The following SPECC1 variants were observed in gnomAD, a reference collection of about 807,000 sequenced individuals.
SPECC1 encodes the protein cytospin-B.
In SPECC1, 62 loss-of-function variants were observed where a neutral mutation model predicts 104.1. That is an observed-to-expected ratio of 0.60 (90% CI 0.49 to 0.74). The LOEUF is 0.74. SPECC1 is among the 30% of genes least tolerant of loss of function. The pLI is 0.00. For missense variants in SPECC1, 1,306 were observed against 1,310.5 expected, an observed-to-expected ratio of 1.00 and a Z score of 0.05; for synonymous variants, 513 against 501.6, an observed-to-expected ratio of 1.02 and a Z score of -0.30.
chr17:20,252,708 T>G (rs2039676393), intron 9 of SPECC1, among the ~76,000 whole-genome samples: 1 of 152,244 alleles, frequency 6.6e-6, no homozygotes, highest in Admixed American at 6.5e-5. Context: ...CCTTCTTTTT[T>G]AAGGCTGAAT....
At chr17:20,104,597 G>A (rs549245364) in intron 2 of SPECC1, among the ~76,000 whole-genome samples, 3 of 151,998 alleles carry the variant, frequency 2.0e-5, no homozygotes, top group Admixed American at 2.0e-4. Context: ...ACAAAAATTA[G>A]CTGGGTGTGG....
chr17:20,205,294 G>T lies in SPECC1; in HGVS notation c.1245G>T (p.Leu415=), dbSNP rs755901399. ...VQELTAENEK[L]VDEKTILETS... ...AATTGACAGCTGAAAATGAGAAGCT[G>T]GTGGATGAAAAGACGATTTTAGAGA... is the stretch of plus-strand genomic sequence containing the variant. Residue 415 remains leucine, a synonymous_variant, in exon 4 of 15, where the codon CTG becomes CTT. Transcript: ENST00000395527. The T allele has an allele frequency of 2.5e-6, 4 of 1,614,216 alleles. No individual in the cohort carries two copies. The East Asian group carries it at 8.9e-5, about 36-fold the overall frequency.
Position 20,132,628 on chromosome 17 carries a change from C to A in SPECC1, c.283+22066C>A, listed in dbSNP as rs188575121. 7.5e-3 allele frequency among the ~76,000 whole-genome samples: 1,142 copies of A among 151,308 alleles called. 16 individuals are homozygous for A. The highest frequency in any genetic ancestry group is 0.026 in the African/African-American group (1,086 of 41,256). On this transcript the variant is annotated intron_variant, in intron 3 of 14. Coordinates refer to ENST00000395527, the MANE Select transcript of SPECC1 (RefSeq NM_001243439.2). ...AATTTCCCTAATTGTTATAGGGCTA[C>A]TCATATTACCTGCTTAATATTGAGT...
chr17:20,225,410 G>GGTA (rs2038139512), intron 4 of SPECC1, among the ~76,000 whole-genome samples: 1 of 152,212 alleles, frequency 6.6e-6, no homozygotes, highest in African/African-American at 2.4e-5. Flanking sequence ...AGCCCACAGA[G>GGTA]GTAGGGCTTG....
intron 3 of SPECC1, among the ~76,000 whole-genome samples, chr17:20,203,997 ACT>A (rs2036600506): frequency 6.6e-6 from 1 of 151,840 alleles, no homozygotes; most frequent in Admixed American, 6.6e-5. Flanking sequence ...ACATTTTCTC[ACT>A]CTGGTCCCGT....
chr17:20,070,786 C>A (rs1337472279), intron 1 of SPECC1, among the ~76,000 whole-genome samples: 2 of 151,864 alleles, frequency 1.3e-5, no homozygotes, highest in Non-Finnish European at 2.9e-5. Context: ...AGATGTTTGT[C>A]TCATCTTGTC....
At chr17:20,107,144 CAAAAAAAA>C (rs531912350) in intron 2 of SPECC1, among the ~76,000 whole-genome samples, 49 of 68,180 alleles carry the variant, frequency 7.2e-4, no homozygotes, top group Non-Finnish European at 9.2e-4. Context: ...ACTCGTGTCT[CAAAAAAAA>C]AAAAAAAAAA....
At chr17:20,184,181 C>CAAAAAAAA (rs759475722) in intron 3 of SPECC1, among the ~76,000 whole-genome samples, 1 of 44,224 alleles carries the variant, frequency 2.3e-5, no homozygotes, top group African/African-American at 7.7e-5. Flanking sequence ...ACTCCTGTCT[C>CAAAAAAAA]AAAAAAAAAA....
At position 20,204,868 on chromosome 17, in the gene SPECC1, C is replaced by T; in HGVS notation, c.819C>T (p.Ser273=). The change falls in exon 4 of 15, where the codon AGC becomes AGT. Residue 273 remains serine (S), a synonymous_variant. Coordinates refer to ENST00000395527, the MANE Select transcript of SPECC1 (RefSeq NM_001243439.2). ...GGGCAGCAAGTCACACTGGCGACAG[C>T]AGCTGCCCAACATCCATAACTCAAG... ...SEGAASHTGD[S]SCPTSITQES... is the part of the protein sequence containing the mutation. 6.2e-7 allele frequency: 1 copy of T among 1,613,986 alleles called. No individual in the cohort carries two copies.
intron 12 of SPECC1, among the ~76,000 whole-genome samples, chr17:20,287,243 C>T (rs898853115): frequency 6.6e-6 from 1 of 152,030 alleles, no homozygotes; most frequent in African/African-American, 2.4e-5. Context: ...AGGTGAAACC[C>T]CGTCTCTACG....
intron 1 of SPECC1, chr17:20,018,180 C>T (rs996050505): frequency 6.6e-6 from 1 of 152,224 alleles, no homozygotes; most frequent in Non-Finnish European, 1.5e-5. Context: ...GTTACCATTT[C>T]CTTCTGCATA....
intron 3 of SPECC1, among the ~76,000 whole-genome samples, chr17:20,134,128 A>G (rs2049802419): frequency 6.7e-6 from 1 of 150,032 alleles, no homozygotes; most frequent in African/African-American, 2.4e-5. Context: ...ATAACAAAAT[A>G]TAGTATAAAA....
intron 1 of SPECC1, among the ~76,000 whole-genome samples, chr17:20,067,997 T>C (rs1470234575): frequency 2.0e-5 from 3 of 152,140 alleles, no homozygotes; most frequent in Non-Finnish European, 4.4e-5. Flanking sequence ...TCTTTTTTTT[T>C]TGAGACAGGT....
chr17:20,288,085 A>T (rs1035617505), intron 12 of SPECC1, among the ~76,000 whole-genome samples: 1 of 152,142 alleles, frequency 6.6e-6, no homozygotes, highest in Non-Finnish European at 1.5e-5. Context: ...TTGCTGAGGA[A>T]AGGGGCTTCC....
In SPECC1 at chr17:20,204,834, AT is replaced by A. The variant is rs773311731; in HGVS notation, c.787del (p.Ser263GlnfsTer17). 1 of 1,614,092 alleles carries A rather than the reference AT, an allele frequency of 6.2e-7. No homozygotes were observed. Among genetic ancestry groups the A allele is most frequent in the Non-Finnish European group, 8.5e-7 (1 of 1,180,032 alleles). On this transcript the variant is annotated frameshift_variant, in exon 4 of 15. Transcript: ENST00000395527. LOFTEE classifies it high-confidence loss of function. ...EKLIYLEHSP[N>X]SEGAASHTGD... ...CTGATCTATCTTGAGCACTCCCCAAATTCAGAAGGGGCAGCAAGTCACACTG... is the reference window on the plus strand; with the variant it reads ...CTGATCTATCTTGAGCACTCCCCAAATCAGAAGGGGCAGCAAGTCACACTG...
chr17:20,205,793 G>T lies in SPECC1; in HGVS notation c.1744G>T (p.Glu582Ter), dbSNP rs1235151689. The change falls in exon 4 of 15, where the codon GAA (glutamate) becomes TAA (stop). Residue 582 changes from glutamate to a stop codon, truncating the protein, a stop_gained. Transcript: ENST00000395527. LOFTEE classifies it high-confidence loss of function. ...EQTAESCEVQ[E>*]MLKVARAEKD... ...GACGGCAGAGAGCTGCGAAGTTCAA[G>T]AAATGTTGAAAGTAGCCCGAGCAGA... 1.2e-6 allele frequency: 2 copies of T among 1,614,204 alleles called. No individual in the cohort carries two copies. The highest frequency in any genetic ancestry group is 1.7e-6 in the Non-Finnish European group (2 of 1,180,034).
At chr17:20,266,540 C>T (rs1321496342) in intron 12 of SPECC1, among the ~76,000 whole-genome samples, 7 of 152,148 alleles carry the variant, frequency 4.6e-5, no homozygotes, top group Admixed American at 1.3e-4. Flanking sequence ...GCCGAGATAG[C>T]GCCACTGCAC....
At chr17:20,178,776 T>G (rs1306290579) in intron 3 of SPECC1, among the ~76,000 whole-genome samples, 2 of 152,204 alleles carry the variant, frequency 1.3e-5, no homozygotes, top group Non-Finnish European at 1.5e-5. Context: ...AAGTAACAGA[T>G]GGAAAATACA....
chr17:20,162,321 A>G (rs2033237736), intron 3 of SPECC1, among the ~76,000 whole-genome samples: 1 of 145,536 alleles, frequency 6.9e-6, no homozygotes, highest in Admixed American at 6.9e-5. Flanking sequence ...AATTTTTTCT[A>G]TTTTTTAGTA....
Sources: gnomAD v4.1 joint callset for allele counts (sites outside exome capture counted in the v4.1 genomes callset) on GRCh38, gnomAD v4.1.1 for gene constraint, MANE v1.5 for transcripts, NCBI Gene and HGNC (gene_info 2026-07-23, HGNC 2026-07-21) for gene names.